PTPRT: variants seen among roughly 807,000 people sequenced by gnomAD.
PTPRT encodes protein tyrosine phosphatase receptor type T, also known as receptor-type tyrosine-protein phosphatase T.
Under a neutral mutation model 176.8 loss-of-function variants are expected in PTPRT, and 56 were observed. The ratio of observed to expected loss-of-function variants is 0.32; its 90% CI spans 0.26 to 0.40. The LOEUF (loss-of-function observed/expected upper bound fraction) is 0.40, where lower values mean the gene tolerates loss of function less well. Among genes scored for constraint, PTPRT ranks in the 10% least tolerant of loss-of-function variants. PTPRT has a pLI of 1.00. For missense variants in PTPRT, 1,540 were observed against 1,908.2 expected (o/e 0.81, Z 3.60); for synonymous variants, 783 against 739.0 (o/e 1.06, Z -0.96).
intron 16 of PTPRT, among the ~76,000 whole-genome samples, chr20:42,177,418 A>G (rs1990338601): frequency 6.6e-6 from 1 of 152,204 alleles, no homozygotes; most frequent in East Asian, 1.9e-4. Context: ...AAAACCAACC[A>G]AAAAATGCAA....
intron 2 of PTPRT, among the ~76,000 whole-genome samples, chr20:42,856,451 G>C (rs1419712177): frequency 6.6e-6 from 1 of 152,024 alleles, no homozygotes; most frequent in Non-Finnish European, 1.5e-5. Context: ...AAGAAGAGAT[G>C]CTCCAGGAAA....
chr20:43,137,498 T>G (rs562138562), intron 1 of PTPRT, among the ~76,000 whole-genome samples: 1 of 152,328 alleles, frequency 6.6e-6, no homozygotes. Context: ...AAAAGTTAGC[T>G]ACTCCTTCTA....
chr20:42,554,518 G>A (rs1442692440), intron 7 of PTPRT, among the ~76,000 whole-genome samples: 2 of 152,128 alleles, frequency 1.3e-5, no homozygotes, highest in Non-Finnish European at 2.9e-5. Context: ...GCCTACAAGA[G>A]TAACAGCCTC....
At chr20:42,855,671 A>G (rs1174323220) in intron 2 of PTPRT, among the ~76,000 whole-genome samples, 2 of 147,800 alleles carry the variant, frequency 1.4e-5, no homozygotes, top group East Asian at 1.9e-4. Flanking sequence ...ACCTCAAGCA[A>G]TCTGACCACC....
Position 42,718,382 on chromosome 20 carries a change from A to C in PTPRT, c.859+38080T>G, listed in dbSNP as rs1332157248. On this transcript the variant is annotated intron_variant, in intron 6 of 30. Transcript: ENST00000373187. Reference sequence around the variant, plus strand: ...GAAACCCCATCTCCACTAAAAATACAAAAAATCAGCCGGGCTTGGTGGCGG... The same window carrying C: ...GAAACCCCATCTCCACTAAAAATACCAAAAATCAGCCGGGCTTGGTGGCGG... Among the ~76,000 whole-genome samples the C allele has an allele frequency of 2.6e-5, 4 of 152,096 alleles. No homozygotes were observed. The East Asian group carries it at 7.8e-4, about 29-fold the overall frequency.
At chr20:42,682,058 G>T (rs2075613084) in intron 6 of PTPRT, among the ~76,000 whole-genome samples, 1 of 152,226 alleles carries the variant, frequency 6.6e-6, no homozygotes, top group South Asian at 2.1e-4. Context: ...CCTGAGGGAA[G>T]TTTCTGGGAT....
intron 6 of PTPRT, among the ~76,000 whole-genome samples, chr20:42,696,453 G>A (rs1010732824): frequency 1.1e-5 from 1 of 88,678 alleles, no homozygotes; most frequent in African/African-American, 6.5e-5. Flanking sequence ...ATAGCCACAT[G>A]AATTATTTTT....
At position 42,994,547 on chromosome 20, in the gene PTPRT, A is replaced by G. The variant is rs199973209; in HGVS notation, c.89-108615T>C. Among the ~76,000 whole-genome samples the G allele has an allele frequency of 1.2e-4, 18 of 152,168 alleles. No homozygotes were observed. In the East Asian group the frequency reaches 3.5e-3, roughly 29 times the overall value. ...TTTTTTGTTATACAGGCTGTCTCAT[A>G]CCTTAGAGAGCCAGATGCCAGGCAC... On this transcript the variant is annotated intron_variant, in intron 1 of 30. Coordinates refer to ENST00000373187, the MANE Select transcript of PTPRT (RefSeq NM_007050.6).
At chr20:42,645,251 C>T (rs78170407) in intron 7 of PTPRT, among the ~76,000 whole-genome samples, 78 of 152,256 alleles carry the variant, frequency 5.1e-4, no homozygotes, top group Admixed American at 1.9e-3. Context: ...GGGGAAGGGG[C>T]TCTCCCTGAG....
At chr20:43,060,412 A>C (rs954751488) in intron 1 of PTPRT, among the ~76,000 whole-genome samples, 4 of 152,176 alleles carry the variant, frequency 2.6e-5, no homozygotes, top group African/African-American at 9.7e-5. Context: ...CTGATTTATA[A>C]GAGCTTTCTT....
chr20:43,144,564 C>T (rs1032691588), intron 1 of PTPRT, among the ~76,000 whole-genome samples: 33 of 152,092 alleles, frequency 2.2e-4, no homozygotes, highest in African/African-American at 7.5e-4. Flanking sequence ...ATTTTCCTGG[C>T]ATGGAATCAA....
chr20:42,601,868 A>G (rs2073788751), intron 7 of PTPRT, among the ~76,000 whole-genome samples: 1 of 152,112 alleles, frequency 6.6e-6, no homozygotes, highest in Admixed American at 6.5e-5. Context: ...GTCTCTAGCT[A>G]TCAATTTCTG....
intron 6 of PTPRT, among the ~76,000 whole-genome samples, chr20:42,681,540 G>T (rs184557654): frequency 9.2e-5 from 14 of 152,216 alleles, no homozygotes; most frequent in Non-Finnish European, 2.1e-4. Flanking sequence ...GTTCTCAGTT[G>T]CTTGGGCTAC....
At chr20:42,310,656 T>C (rs1357961855) in intron 12 of PTPRT, among the ~76,000 whole-genome samples, 1 of 152,198 alleles carries the variant, frequency 6.6e-6, no homozygotes, top group African/African-American at 2.4e-5. Flanking sequence ...CTAGACTAGA[T>C]GACACTTCAA....
chr20:43,119,610 C>A (rs896539053), intron 1 of PTPRT, among the ~76,000 whole-genome samples: 15 of 152,180 alleles, frequency 9.9e-5, no homozygotes, highest in African/African-American at 3.6e-4. Context: ...AGCACAGATA[C>A]ACCTGAATCC....
chr20:42,978,029 T>C (rs560622816), intron 1 of PTPRT, among the ~76,000 whole-genome samples: 1 of 152,300 alleles, frequency 6.6e-6, no homozygotes, highest in South Asian at 2.1e-4. Context: ...CTCCAGTGGA[T>C]GCCTGGTGCA....
intron 1 of PTPRT, among the ~76,000 whole-genome samples, chr20:43,165,396 C>G (rs1176698198): frequency 6.6e-6 from 1 of 152,148 alleles, no homozygotes; most frequent in Non-Finnish European, 1.5e-5. Flanking sequence ...CTCCTGACCT[C>G]AGGTGATCCA....
chr20:42,737,149 G>A (rs2076552981), intron 6 of PTPRT, among the ~76,000 whole-genome samples: 1 of 152,150 alleles, frequency 6.6e-6, no homozygotes, highest in African/African-American at 2.4e-5. Flanking sequence ...ATGTAATCAA[G>A]CCAAGATGAA....
intron 1 of PTPRT, among the ~76,000 whole-genome samples, chr20:42,974,134 C>A (rs1401570291): frequency 6.6e-6 from 1 of 152,118 alleles, no homozygotes; most frequent in Non-Finnish European, 1.5e-5. Flanking sequence ...AGATGCTACC[C>A]CAGCTGAACA....
Sources: allele counts gnomAD v4.1 joint callset (sites outside exome capture counted in the v4.1 genomes callset), GRCh38; gene constraint gnomAD v4.1.1; transcripts MANE v1.5; gene names NCBI Gene and HGNC (gene_info 2026-07-23, HGNC 2026-07-21).